The following MXD3 variants were observed in gnomAD, a reference collection of about 807,000 sequenced individuals.
The protein encoded by MXD3 is MAX dimerization protein 3.
Under a neutral mutation model 27.5 loss-of-function variants are expected in MXD3, and 20 were observed. The ratio of observed to expected loss-of-function variants is 0.73; its 90% CI spans 0.51 to 1.06. The LOEUF is 1.06. Ranked by LOEUF, MXD3 falls within the 50% of genes least tolerant of loss-of-function variation. The pLI is 0.00. For synonymous variants in MXD3, 150 were observed against 130.7 expected (o/e 1.15, Z -1.01); for missense variants, 298 against 291.3 (o/e 1.02, Z -0.17).
chr5:177,307,309 C>T lies in MXD3; in HGVS notation c.*279G>A, dbSNP rs1211671220. On this transcript the variant is annotated 3_prime_UTR_variant, in exon 6 of 6. Transcript: ENST00000439742. ...GAAGAGGCCCAAGAGGCTTCCTGTC[C>T]CCTTGGGGGCAGCAGAGCCAAATGC... 1.9e-6 allele frequency: 3 copies of T among 1,548,150 alleles called. No individual in the cohort carries two copies. In the Admixed American group the frequency reaches 5.9e-5, roughly 31 times the overall value.
chr5:177,309,539 C>T (rs554498138), intron 4 of MXD3, among the ~76,000 whole-genome samples: 5 of 152,344 alleles, frequency 3.3e-5, no homozygotes, highest in Admixed American at 2.0e-4. Context: ...TAATAACAGA[C>T]GCCGGGCGGC....
downstream of MXD3, chr5:177,306,381 T>C: frequency 6.2e-7 from 1 of 1,613,172 alleles, no homozygotes; most frequent in South Asian, 1.1e-5. Context: ...GGTTGGTCTT[T>C]CAGGCATCTT....
rs986912736 is a variant in MXD3 at position 177,307,214 on chromosome 5, G to A, written c.*374C>T. 8 of 1,551,564 alleles carry A rather than the reference G, an allele frequency of 5.2e-6. No individual in the cohort carries two copies. The African/African-American group carries it at 8.2e-5, about 16-fold the overall frequency. On this transcript the variant is annotated 3_prime_UTR_variant, in exon 6 of 6. Coordinates refer to ENST00000439742, the MANE Select transcript of MXD3 (RefSeq NM_031300.4). Reference sequence around the variant, plus strand: ...GGCAAGACTATGGACGGGAAGTTATGAAAGAGGCTTTTAATGAAAATACTG... The same window carrying A: ...GGCAAGACTATGGACGGGAAGTTATAAAAGAGGCTTTTAATGAAAATACTG...
At chr5:177,311,255 T>A in intron 2 of MXD3, 124 bp downstream of exon 2, 1 of 570,688 alleles carries the variant, frequency 1.8e-6, no homozygotes. Context: ...GCAGGAGGGG[T>A]CTGAACGCTT....
upstream of MXD3, chr5:177,312,297 G>A: frequency 1.0e-6 from 1 of 986,446 alleles, no homozygotes; most frequent in African/African-American, 1.7e-5. Flanking sequence ...CGCGGGGGCG[G>A]GGCCTCCGGC....
upstream of MXD3, chr5:177,311,995 G>A (rs1363167405): frequency 3.1e-6 from 4 of 1,290,180 alleles, no homozygotes; most frequent in Non-Finnish European, 3.0e-6. Context: ...CCGCCCCTCT[G>A]GAACCCGCCA....
intron 1 of MXD3, 73 bp from the exon 2 acceptor site, chr5:177,311,557 C>T: frequency 1.6e-6 from 2 of 1,282,354 alleles, no homozygotes; most frequent in East Asian, 2.7e-5. Flanking sequence ...AGGCACAGCA[C>T]GGTCAAGGAA....
intron 4 of MXD3, chr5:177,308,206 A>C: frequency 5.6e-6 from 3 of 539,120 alleles, no homozygotes; most frequent in Middle Eastern, 4.8e-4. Flanking sequence ...CACAATCTCA[A>C]AGGCATTTGG....
At chr5:177,310,143 C>G (rs528779365) in intron 4 of MXD3, among the ~76,000 whole-genome samples, 4 of 152,230 alleles carry the variant, frequency 2.6e-5, no homozygotes, top group African/African-American at 9.7e-5. Flanking sequence ...GGCTAAGTAA[C>G]CTGCCCAAGG....
rs1761013877 is a variant in MXD3 at position 177,310,685 on chromosome 5, A to G, written c.189T>C (p.Asn63=). The change falls in exon 3 of 6, where the codon AAT becomes AAC. Residue 63 remains asparagine, a synonymous_variant. Coordinates refer to ENST00000439742, the MANE Select transcript of MXD3 (RefSeq NM_031300.4). ...GGACTCACCTGCGCTTCTCCAGTTC[A>G]TTGTGCACTGACCTGCCAATGCCAG... ...GAQDSGRSVH[N]ELEKRRRAQL... 1 of 1,614,148 alleles carries G rather than the reference A, an allele frequency of 6.2e-7. No individual in the cohort carries two copies. The highest frequency in any genetic ancestry group is 8.5e-7 in the Non-Finnish European group (1 of 1,180,004).
rs1249547862 is a variant in MXD3, at chr5:177,310,499, T to C, written c.248A>G (p.Gln83Arg). The C allele has an allele frequency of 2.5e-6, 4 of 1,612,698 alleles. No individual in the cohort carries two copies. Among genetic ancestry groups the C allele is most frequent in the Non-Finnish European group, 3.4e-6 (4 of 1,179,540 alleles). The part of the protein sequence containing the change: ...LKRCLERLKQ[Q>R]MPLGADCARY... ...GGCACAGTCGGCCCCCAGGGGCATC[T>C]GCTGCTTCAGCCGCTCCAGGCACCG... is the stretch of plus-strand genomic sequence containing the variant. Residue 83 changes from glutamine (Q) to arginine (R), a missense_variant, in exon 4 of 6, where the codon CAG (glutamine) becomes CGG (arginine). Coordinates refer to ENST00000439742, the MANE Select transcript of MXD3 (RefSeq NM_031300.4).
At chr5:177,306,425 A>G, downstream of MXD3, 2 of 1,614,094 alleles carry the variant, frequency 1.2e-6, no homozygotes, top group Non-Finnish European at 1.7e-6. Context: ...GCGACAGGCG[A>G]GGCCCCTTCC....
upstream of MXD3, chr5:177,312,007 G>T: frequency 2.3e-6 from 3 of 1,278,328 alleles, no homozygotes; most frequent in Non-Finnish European, 2.0e-6. Flanking sequence ...AACCCGCCAC[G>T]GAGCCGCAGC....
At chr5:177,307,149 T>C, downstream of MXD3, 2 of 1,541,662 alleles carry the variant, frequency 1.3e-6, no homozygotes, top group Non-Finnish European at 1.7e-6. Flanking sequence ...TATTTCCTCT[T>C]CCAGTGGGTC....
rs550185228 is a variant in MXD3 at position 177,307,678 on chromosome 5, G to A, written c.531C>T (p.Ser177=). The A allele has an allele frequency of 1.2e-6, 2 of 1,613,682 alleles. No homozygotes were observed. Among genetic ancestry groups the A allele is most frequent in the Middle Eastern group, 1.6e-4 (1 of 6,062 alleles). The change falls in exon 6 of 6, where the codon AGC becomes AGT. Residue 177 remains serine (S), a synonymous_variant. Coordinates refer to ENST00000439742, the MANE Select transcript of MXD3 (RefSeq NM_031300.4). The part of the protein sequence containing the change: ...DQEELEVDVE[S]LVFGGEAELL... ...GCTCGGCCTCACCCCCAAACACCAG[G>A]CTCTCCACATCCACCTCCAGCTCCT... is the stretch of plus-strand genomic sequence containing the variant.
chr5:177,307,498 C>T lies in MXD3; in HGVS notation c.*90G>A, dbSNP rs766824375. 7.7e-6 allele frequency: 12 copies of T among 1,552,794 alleles called. No individual in the cohort carries two copies. The highest frequency in any genetic ancestry group is 6.8e-5 in the African/African-American group (5 of 73,366). Reference sequence around the variant, plus strand: ...TTTAGTCCATTCCAACAGGTGACTCCGAGCAGCCCTGAAGGCTTGGGGAGG... The same window carrying T: ...TTTAGTCCATTCCAACAGGTGACTCTGAGCAGCCCTGAAGGCTTGGGGAGG... On this transcript the variant is annotated 3_prime_UTR_variant, in exon 6 of 6. Transcript: ENST00000439742.
chr5:177,310,661 G>C lies in MXD3; in HGVS notation c.206+7C>G. On this transcript the variant is annotated splice_region_variant and intron_variant, in intron 3 of 5. Transcript: ENST00000439742. ...GCTGGCGCTGTCAGGGCAGGACTGG[G>C]ACTCACCTGCGCTTCTCCAGTTCAT... The C allele has an allele frequency of 6.2e-7, 1 of 1,614,210 alleles. No individual in the cohort carries two copies. The highest frequency in any genetic ancestry group is 1.1e-5 in the South Asian group (1 of 91,090).
At chr5:177,308,184 G>GT (rs965951417) in intron 4 of MXD3, 17 of 559,684 alleles carry the variant, frequency 3.0e-5, no homozygotes, top group East Asian at 2.9e-4. Context: ...TAGATTGGGG[G>GT]TGGGGGGGCA....
At chr5:177,306,745 C>T (rs769453793), downstream of MXD3, 1 of 1,091,146 alleles carries the variant, frequency 9.2e-7, no homozygotes, top group Non-Finnish European at 1.3e-6. Flanking sequence ...ATGTCTGAGC[C>T]AGGTCTGCTT....
Sources: allele counts gnomAD v4.1 joint callset (sites outside exome capture counted in the v4.1 genomes callset), GRCh38; gene constraint gnomAD v4.1.1; transcripts MANE v1.5; gene names NCBI Gene and HGNC (gene_info 2026-07-23, HGNC 2026-07-21).